ACTR3C: variants seen among roughly 807,000 people sequenced by gnomAD.
The protein encoded by ACTR3C is actin related protein 3C.
Under a neutral mutation model 26.3 loss-of-function variants are expected in ACTR3C, and 18 were observed. The ratio of observed to expected loss-of-function variants is 0.68; its 90% CI spans 0.47 to 1.01. The LOEUF (loss-of-function observed/expected upper bound fraction) is 1.01. Ranked by LOEUF, ACTR3C falls within the 50% of genes least tolerant of loss-of-function variation. ACTR3C has a pLI of 0.00. For synonymous variants in ACTR3C, 55 were observed against 94.5 expected, an observed-to-expected ratio of 0.58 and a Z score of 2.42; for missense variants, 184 against 250.7, an observed-to-expected ratio of 0.73 and a Z score of 1.80.
At chr7:150,316,917 T>G (rs964269027) in intron 1 of ACTR3C, among the ~76,000 whole-genome samples, 1 of 152,228 alleles carries the variant, frequency 6.6e-6, no homozygotes, top group Non-Finnish European at 1.5e-5. Context: ...GCTTTTCCAT[T>G]TATTTAGGTC....
At chr7:149,969,709 ATTAAT>A in the ACTR3C span, among the ~76,000 whole-genome samples, 1 of 152,322 alleles carries the variant, frequency 6.6e-6, no homozygotes, top group East Asian at 1.9e-4. Flanking sequence ...ACTTTGAGAT[ATTAAT>A]TTAATTGCTT....
the ACTR3C span, among the ~76,000 whole-genome samples, chr7:149,895,854 A>T: frequency 6.6e-6 from 1 of 152,048 alleles, no homozygotes; most frequent in Non-Finnish European, 1.5e-5. Flanking sequence ...AACTGTTTTT[A>T]ATTAAAAAAA....
At chr7:150,264,157 C>A (rs1343779730) in intron 6 of ACTR3C, among the ~76,000 whole-genome samples, 5 of 152,224 alleles carry the variant, frequency 3.3e-5, no homozygotes, top group African/African-American at 1.2e-4. Flanking sequence ...AGGGAGGTCA[C>A]AACCCAGCAA....
At chr7:150,168,244 T>A in the ACTR3C span, among the ~76,000 whole-genome samples, 1 of 150,772 alleles carries the variant, frequency 6.6e-6, no homozygotes, top group Non-Finnish European at 1.5e-5. Context: ...CACTCCCCAT[T>A]GCTCACATTA....
chr7:150,041,670 G>C, the ACTR3C span, among the ~76,000 whole-genome samples: 2 of 141,582 alleles, frequency 1.4e-5, no homozygotes, highest in Admixed American at 7.0e-5. Context: ...GCAACAGCCG[G>C]GGGTGGAAGA....
chr7:150,139,891 AC>A, the ACTR3C span, among the ~76,000 whole-genome samples: 6 of 152,306 alleles, frequency 3.9e-5, no homozygotes, highest in South Asian at 1.0e-3. Context: ...ATCCTAGATC[AC>A]CCAGTGACAC....
At chr7:150,213,164 G>GCA in the ACTR3C span, among the ~76,000 whole-genome samples, 1 of 152,096 alleles carries the variant, frequency 6.6e-6, no homozygotes, top group Non-Finnish European at 1.5e-5. Flanking sequence ...AATAGTACCT[G>GCA]CAACCATGAG....
chr7:150,289,058 T>A (rs10263553), intron 4 of ACTR3C, among the ~76,000 whole-genome samples: 25,578 of 148,284 alleles, frequency 0.17, 3,134 homozygotes, highest in African/African-American at 0.32. Flanking sequence ...GTGAATTTTG[T>A]GCAATAGCTC....
chr7:150,294,053 G>A (rs1379820597), intron 2 of ACTR3C, among the ~76,000 whole-genome samples: 5 of 152,142 alleles, frequency 3.3e-5, no homozygotes, highest in African/African-American at 4.8e-5. Flanking sequence ...GGTTTCCGGC[G>A]TGGGGCCACA....
At chr7:150,215,868 C>A in the ACTR3C span, among the ~76,000 whole-genome samples, 14,460 of 151,982 alleles carry the variant, frequency 0.095, 897 homozygotes, top group East Asian at 0.24. Flanking sequence ...GGTGTAAATG[C>A]TATATGCATT....
chr7:149,908,918 A>AT, the ACTR3C span, among the ~76,000 whole-genome samples: 1 of 152,050 alleles, frequency 6.6e-6, no homozygotes, highest in Non-Finnish European at 1.5e-5. Context: ...AGTAGCTGGG[A>AT]TTACAGGCAC....
At chr7:150,146,831 T>C in the ACTR3C span, among the ~76,000 whole-genome samples, 1 of 152,240 alleles carries the variant, frequency 6.6e-6, no homozygotes, top group Admixed American at 6.5e-5. Flanking sequence ...TGATGTATTT[T>C]ATTGTAATAA....
At chr7:150,194,023 C>CAT in the ACTR3C span, among the ~76,000 whole-genome samples, 1 of 144,276 alleles carries the variant, frequency 6.9e-6, no homozygotes, top group Non-Finnish European at 1.5e-5. Flanking sequence ...CACACACACA[C>CAT]GAAAGAAAAG....
the ACTR3C span, among the ~76,000 whole-genome samples, chr7:149,895,534 A>C: frequency 2.6e-5 from 4 of 152,214 alleles, no homozygotes; most frequent in East Asian, 5.8e-4. Context: ...CAATTTAAAA[A>C]AATAAAATCA....
chr7:149,889,971 A>G, the ACTR3C span, among the ~76,000 whole-genome samples: 1 of 152,354 alleles, frequency 6.6e-6, no homozygotes, highest in Non-Finnish European at 1.5e-5. Context: ...TTCAGCTGTG[A>G]AGACACAGCC....
chr7:149,912,278 G>T, the ACTR3C span, among the ~76,000 whole-genome samples: 1 of 151,966 alleles, frequency 6.6e-6, no homozygotes, highest in African/African-American at 2.4e-5. Flanking sequence ...TACAAAAACA[G>T]ACTTGAGCAC....
the ACTR3C span, among the ~76,000 whole-genome samples, chr7:150,155,061 A>G: frequency 6.6e-6 from 1 of 152,192 alleles, no homozygotes; most frequent in Non-Finnish European, 1.5e-5. Flanking sequence ...GTCAGGGTAA[A>G]CCAGTTTCCT....
the ACTR3C span, among the ~76,000 whole-genome samples, chr7:150,220,236 G>A: frequency 6.7e-6 from 1 of 148,420 alleles, no homozygotes; most frequent in Non-Finnish European, 1.5e-5. Flanking sequence ...TCCGTCGCGG[G>A]TCTCTTACCT....
the ACTR3C span, among the ~76,000 whole-genome samples, chr7:149,905,911 G>A: frequency 2.0e-5 from 3 of 151,980 alleles, no homozygotes; most frequent in Non-Finnish European, 2.9e-5. Context: ...ATGAAGGGGT[G>A]TACGCTCTGT....
Sources: gnomAD v4.1 joint callset for allele counts (sites outside exome capture counted in the v4.1 genomes callset) on GRCh38, gnomAD v4.1.1 for gene constraint, MANE v1.5 for transcripts, NCBI Gene and HGNC (gene_info 2026-07-23, HGNC 2026-07-21) for gene names.